Variants in ACTR3C observed in about 807,000 individuals in gnomAD.
ACTR3C encodes actin-related protein 3C.
ACTR3C carries 18 observed loss-of-function variants against 26.3 expected under a neutral mutation model. The ratio of observed to expected loss-of-function variants is 0.68; its 90% CI spans 0.47 to 1.01. ACTR3C has a LOEUF of 1.01. Among genes scored for constraint, ACTR3C ranks in the 50% least tolerant of loss-of-function variants. The pLI is 0.00. For missense variants in ACTR3C, 184 were observed against 250.7 expected (o/e 0.73, Z 1.80); for synonymous variants, 55 against 94.5 (o/e 0.58, Z 2.42).
chr7:150,127,139 G>GACACACACACACACACAC, the ACTR3C span, among the ~76,000 whole-genome samples: 1 of 129,598 alleles, frequency 7.7e-6, no homozygotes, highest in Non-Finnish European at 1.6e-5. Context: ...CCTACCATTA[G>GACACACACACACACACAC]ACACACACAC....
At chr7:149,912,589 G>A in the ACTR3C span, among the ~76,000 whole-genome samples, 13 of 150,588 alleles carry the variant, frequency 8.6e-5, no homozygotes, top group South Asian at 4.2e-4. Context: ...TGCAACCTCC[G>A]CCTTTCTGTT....
the ACTR3C span, among the ~76,000 whole-genome samples, chr7:150,170,676 G>A: frequency 1.3e-5 from 2 of 150,556 alleles, no homozygotes; most frequent in South Asian, 2.1e-4. Context: ...GGGACCCACC[G>A]TAAATAACAA....
At chr7:149,896,226 A>G in the ACTR3C span, among the ~76,000 whole-genome samples, 1 of 152,198 alleles carries the variant, frequency 6.6e-6, no homozygotes, top group African/African-American at 2.4e-5. Flanking sequence ...GATATGAACT[A>G]ATTTCTTCAA....
At chr7:149,927,063 A>C in the ACTR3C span, among the ~76,000 whole-genome samples, 2 of 117,908 alleles carry the variant, frequency 1.7e-5, no homozygotes, top group Non-Finnish European at 4.1e-5. Flanking sequence ...GAGCCAAATA[A>C]ACTTTTTTTT....
chr7:150,074,258 A>G, the ACTR3C span: 1 of 152,090 alleles, frequency 6.6e-6, no homozygotes, highest in Non-Finnish European at 1.5e-5. Flanking sequence ...GATTCACAGG[A>G]CTCAGAAAAG....
chr7:150,152,253 T>G, the ACTR3C span, among the ~76,000 whole-genome samples: 1 of 152,152 alleles, frequency 6.6e-6, no homozygotes, highest in African/African-American at 2.4e-5. Context: ...TTTTGCCCAT[T>G]CAGTATGATA....
chr7:150,158,815 GGCACACACAT>G, the ACTR3C span, among the ~76,000 whole-genome samples: 18 of 149,544 alleles, frequency 1.2e-4, no homozygotes, highest in East Asian at 9.8e-4. Flanking sequence ...CACACACACA[GGCACACACAT>G]GCACACACAG....
At position 150,252,475 on chromosome 7, in the gene ACTR3C, T is replaced by C. The variant is rs567695474; in HGVS notation, c.565-3421A>G. On this transcript the variant is annotated intron_variant, in intron 6 of 7. Coordinates refer to ENST00000683684, the MANE Select transcript of ACTR3C (RefSeq NM_001164458.2). ...TGGAGGATGCAGAGGCTGAAAATGG[T>C]AAGCATTAGGGCAGGTCAGAGAAAG... Among the ~76,000 whole-genome samples, 114 of 152,262 alleles carry C rather than the reference T, an allele frequency of 7.5e-4. 1 individual carries two copies. The East Asian group carries it at 7.5e-3, about 10-fold the overall frequency.
the ACTR3C span, among the ~76,000 whole-genome samples, chr7:150,166,434 C>T: frequency 6.6e-6 from 1 of 150,912 alleles, no homozygotes; most frequent in East Asian, 1.9e-4. Flanking sequence ...TGCTGTGGCT[C>T]ATGCCTGTAA....
At chr7:150,243,036 CTTACTGTATGAGAGTTATTACAT>C (rs1365566185), downstream of ACTR3C, among the ~76,000 whole-genome samples, 32 of 152,198 alleles carry the variant, frequency 2.1e-4, no homozygotes, top group Admixed American at 2.1e-3. Context: ...ATAGTTAACA[CTTACTGTATGAGAGTTATTACAT>C]TTACTGTGTG....
At chr7:149,985,207 A>AACAC in the ACTR3C span, among the ~76,000 whole-genome samples, 29,684 of 130,652 alleles carry the variant, frequency 0.23, 3,804 homozygotes, top group South Asian at 0.28. Context: ...CAAACAAAGC[A>AACAC]ACACACACAC....
chr7:150,284,520 C>T (rs377186287), intron 6 of ACTR3C, among the ~76,000 whole-genome samples: 16 of 151,852 alleles, frequency 1.1e-4, no homozygotes, highest in East Asian at 5.8e-4. Flanking sequence ...CACTCCAGCC[C>T]GGGTGACAGA....
intron 6 of ACTR3C, among the ~76,000 whole-genome samples, chr7:150,278,143 C>T (rs750944613): frequency 9.2e-5 from 14 of 152,100 alleles, no homozygotes; most frequent in Non-Finnish European, 1.6e-4. Flanking sequence ...CACAGGATCG[C>T]GCTACTCTCC....
chr7:150,316,511 C>A (rs1374361402), intron 1 of ACTR3C, among the ~76,000 whole-genome samples: 1 of 110,348 alleles, frequency 9.1e-6, no homozygotes, highest in East Asian at 2.7e-4. Context: ...TTTTTTGAGG[C>A]GGAGTCTCAC....
chr7:149,917,304 A>G, the ACTR3C span, among the ~76,000 whole-genome samples: 1 of 151,986 alleles, frequency 6.6e-6, no homozygotes, highest in African/African-American at 2.4e-5. Context: ...CAAACTCCCA[A>G]CCTTAGGTGA....
chr7:150,171,304 A>G, the ACTR3C span, among the ~76,000 whole-genome samples: 1 of 149,962 alleles, frequency 6.7e-6, no homozygotes, highest in Non-Finnish European at 1.5e-5. Context: ...TTAAAAATTT[A>G]TAACAGCAAG....
At chr7:150,287,446 A>G (rs2531066) in intron 4 of ACTR3C, among the ~76,000 whole-genome samples, 1 of 151,536 alleles carries the variant, frequency 6.6e-6, no homozygotes, top group Non-Finnish European at 1.5e-5. Flanking sequence ...GAAGTGTTTC[A>G]TGGGTATCTG....
the ACTR3C span, among the ~76,000 whole-genome samples, chr7:150,028,450 A>G: frequency 1.3e-5 from 2 of 152,304 alleles, no homozygotes; most frequent in Non-Finnish European, 2.9e-5. Flanking sequence ...TTAATTTCCA[A>G]TCATCAGACT....
the ACTR3C span, among the ~76,000 whole-genome samples, chr7:149,932,467 G>C: frequency 2.0e-5 from 3 of 152,098 alleles, no homozygotes; most frequent in Non-Finnish European, 4.4e-5. Context: ...TAAAAGGGTA[G>C]ATTTTATGGT....
Sources: allele counts gnomAD v4.1 joint callset (sites outside exome capture counted in the v4.1 genomes callset), GRCh38; gene constraint gnomAD v4.1.1; transcripts MANE v1.5; gene names NCBI Gene and HGNC (gene_info 2026-07-23, HGNC 2026-07-21).